The following COL11A1 variants were observed in gnomAD, a reference collection of about 807,000 sequenced individuals.
COL11A1 encodes the protein collagen type XI alpha 1 chain.
Under a neutral mutation model 265.2 loss-of-function variants are expected in COL11A1, and 74 were observed. The ratio of observed to expected loss-of-function variants is 0.28; its 90% CI spans 0.23 to 0.34. COL11A1 has a LOEUF of 0.34. COL11A1 is among the 10% of genes least tolerant of loss of function. The pLI is 1.00. For missense variants in COL11A1, 2,165 were observed against 2,263.6 expected (o/e 0.96, Z 0.88); for synonymous variants, 816 against 727.6 (o/e 1.12, Z -1.96).
intron 37 of COL11A1, among the ~76,000 whole-genome samples, chr1:102,966,272 A>G (rs550187887): frequency 2.6e-5 from 4 of 152,268 alleles, no homozygotes; most frequent in East Asian, 3.9e-4. Flanking sequence ...GTTACTTTTA[A>G]CAGCTGGAGA....
At position 103,004,478 on chromosome 1, in the gene COL11A1, C is replaced by T. The variant is rs1416550327; in HGVS notation, c.1910G>A (p.Gly637Glu). 6.2e-7 allele frequency: 1 copy of T among 1,611,844 alleles called. No individual in the cohort carries two copies. Among genetic ancestry groups the T allele is most frequent in the Non-Finnish European group, 8.5e-7 (1 of 1,178,640 alleles). Residue 637 changes from glycine (G) to glutamate (E), a missense_variant, in exon 20 of 67, where the codon GGA (glycine) becomes GAA (glutamate). Physicochemically the swap from Gly to Glu is moderately conservative, Grantham distance 98 (BLOSUM62 -2). Transcript: ENST00000370096. ...PGDDGMRGED[G>E]EIGPRGLPGE... ...TGGAAGACCTCTTGGTCCAATTTCT[C>T]CATCTTCTCCCTGTCATTGACAAAA...
intron 21 of COL11A1, 38 bp downstream of exon 21, chr1:103,003,177 T>A: frequency 6.2e-7 from 1 of 1,609,706 alleles, no homozygotes; most frequent in Non-Finnish European, 8.5e-7. Flanking sequence ...GCAACAAGCT[T>A]TCCCTAGAAA....
Position 102,877,822 on chromosome 1 carries a change from A to G in COL11A1, c.*197T>C. 1 of 553,074 alleles carries G rather than the reference A, an allele frequency of 1.8e-6. No individual in the cohort carries two copies. Among genetic ancestry groups the G allele is most frequent in the East Asian group, 3.1e-5 (1 of 32,320 alleles). The allele number at this position is 553,074 out of a possible 1,614,324, so 34.3% of individuals were successfully genotyped here. A position where few individuals can be genotyped will look rare whatever the true frequency, so the allele number is the denominator to read the frequency against. ...CCCTGTTTCCATCTTAGCCACACCA[A>G]CTTATATCTTTATGATTTTCAAAGC... is the stretch of plus-strand genomic sequence containing the variant. On this transcript the variant is annotated 3_prime_UTR_variant, in exon 67 of 67. Transcript: ENST00000370096.
At chr1:102,941,716 C>T (rs1342041955) in intron 42 of COL11A1, among the ~76,000 whole-genome samples, 1 of 152,166 alleles carries the variant, frequency 6.6e-6, no homozygotes, top group African/African-American at 2.4e-5. Flanking sequence ...GGAAAGTCCC[C>T]AATTCTAGCA....
At chr1:103,045,951 A>C (rs1669224970) in intron 4 of COL11A1, among the ~76,000 whole-genome samples, 1 of 151,398 alleles carries the variant, frequency 6.6e-6, no homozygotes, top group East Asian at 2.0e-4. Flanking sequence ...TGAACTCATC[A>C]TTTTTTTATG....
At chr1:103,067,771 A>C (rs1671265780) in intron 4 of COL11A1, among the ~76,000 whole-genome samples, 1 of 151,656 alleles carries the variant, frequency 6.6e-6, no homozygotes, top group Non-Finnish European at 1.5e-5. Flanking sequence ...AGTTTTCAGT[A>C]GAAATTTTAA....
At position 102,883,226 on chromosome 1, in the gene COL11A1, G is replaced by T; in HGVS notation, c.4944C>A (p.Cys1648Ter). ...CCTCAGATTTTTTGTCTGGATAAAT[G>T]CAAGTCTCACCACCAGATGTGAAAT... The part of the protein sequence containing the change: ...YCNFTSGGET[C>*]IYPDKKSEGV... The change falls in exon 64 of 67, where the codon TGC (cysteine) becomes TGA (stop). Residue 1648 changes from cysteine (C) to a stop codon, truncating the protein, a stop_gained. Coordinates refer to ENST00000370096, the MANE Select transcript of COL11A1 (RefSeq NM_001854.4). LOFTEE classifies it high-confidence loss of function. 6.2e-7 allele frequency: 1 copy of T among 1,612,954 alleles called. No homozygotes were observed. Among genetic ancestry groups the T allele is most frequent in the Non-Finnish European group, 8.5e-7 (1 of 1,179,164 alleles).
In COL11A1 at chr1:102,888,914, A is replaced by G; in HGVS notation, c.4470T>C (p.Ile1490=). 6.2e-7 allele frequency: 1 copy of G among 1,612,008 alleles called. No homozygotes were observed. Among genetic ancestry groups the G allele is most frequent in the Middle Eastern group, 1.7e-4 (1 of 6,038 alleles). The change falls in exon 60 of 67, where the codon ATT becomes ATC. Residue 1490 remains isoleucine, a synonymous_variant. Transcript: ENST00000370096. ...GACCTAAGGGACCAGCAGGACCAGG[A>G]ATTCCCTAGAGAGAGAATCAGCCAA... ...GSPGAKGDGG[I]PGPAGPLGPP... is the part of the protein sequence containing the mutation.
At chr1:103,071,683 G>T (rs139691551) in intron 4 of COL11A1, among the ~76,000 whole-genome samples, 223 of 151,318 alleles carry the variant, frequency 1.5e-3, no homozygotes, top group Non-Finnish European at 2.3e-3. Context: ...ACTTTTAGCA[G>T]ACAGACAGAG....
At chr1:103,052,673 CAT>C in intron 4 of COL11A1, among the ~76,000 whole-genome samples, 1 of 152,172 alleles carries the variant, frequency 6.6e-6, no homozygotes, top group Non-Finnish European at 1.5e-5. Context: ...TTTTGAATAA[CAT>C]ATGCTATCTT....
intron 18 of COL11A1, 28 bp from the exon 19 acceptor site, chr1:103,004,689 C>A (rs1394647509): frequency 6.3e-7 from 1 of 1,582,518 alleles, no homozygotes. Flanking sequence ...ATAAGATTAG[C>A]ATATGGAAAG....
chr1:102,950,395 GA>G (rs527997637), intron 41 of COL11A1, among the ~76,000 whole-genome samples: 418 of 152,230 alleles, frequency 2.7e-3, no homozygotes, highest in South Asian at 0.01. Context: ...TTTCACTGGA[GA>G]CACCATGGTA....
chr1:102,938,912 A>C, intron 44 of COL11A1, 123 bp downstream of exon 44: 1 of 793,466 alleles, frequency 1.3e-6, no homozygotes, highest in Non-Finnish European at 2.2e-6. Context: ...TGCAGAGGTA[A>C]TGTAGTATTG....
At chr1:102,914,579 T>C (rs1328299751) in intron 51 of COL11A1, 125 bp downstream of exon 51, 2 of 963,498 alleles carry the variant, frequency 2.1e-6, no homozygotes, top group African/African-American at 1.6e-5. Context: ...TACGAATATA[T>C]GAAATGATGA....
At chr1:102,935,439 T>G (rs974076) in intron 44 of COL11A1, among the ~76,000 whole-genome samples, 116,853 of 152,098 alleles carry the variant, frequency 0.77, 48,016 homozygotes, top group East Asian at 1. Context: ...AGTATCAGAT[T>G]TCTTTAATGA....
chr1:102,923,921 C>T (rs1004318217), intron 46 of COL11A1, among the ~76,000 whole-genome samples: 6 of 151,702 alleles, frequency 4.0e-5, no homozygotes, highest in Non-Finnish European at 7.4e-5. Context: ...TTTAAAAATT[C>T]TTTCAGGCCG....
At chr1:102,955,376 T>C (rs970887245) in intron 41 of COL11A1, among the ~76,000 whole-genome samples, 3 of 152,024 alleles carry the variant, frequency 2.0e-5, no homozygotes, top group Admixed American at 6.6e-5. Context: ...GGGGGGATGG[T>C]CACATAATAG....
At chr1:102,923,435 A>T (rs754758089) in intron 46 of COL11A1, 46 bp from the exon 47 acceptor site, 10 of 1,008,888 alleles carry the variant, frequency 9.9e-6, no homozygotes, top group South Asian at 4.9e-5. Context: ...TGATGTCTTT[A>T]AAAAAAAAAG....
At chr1:103,018,717 A>C in intron 10 of COL11A1, 101 bp downstream of exon 10, 1 of 944,992 alleles carries the variant, frequency 1.1e-6, no homozygotes, top group Non-Finnish European at 1.6e-6. Flanking sequence ...TCTATAATTC[A>C]ATATTCTAAT....
Sources: gnomAD v4.1 joint callset for allele counts (sites outside exome capture counted in the v4.1 genomes callset) on GRCh38, gnomAD v4.1.1 for gene constraint, MANE v1.5 for transcripts, NCBI Gene and HGNC (gene_info 2026-07-23, HGNC 2026-07-21) for gene names.